Variants in NUP210L observed in about 807,000 individuals in gnomAD.
NUP210L encodes nucleoporin 210 like, also known as nuclear pore membrane glycoprotein 210-like.
Under a neutral mutation model 208.5 loss-of-function variants are expected in NUP210L, and 74 were observed. The observed-to-expected ratio is 0.35, with a 90% CI of 0.29 to 0.43. NUP210L has a LOEUF of 0.43. NUP210L is among the 20% of genes least tolerant of loss of function. NUP210L has a pLI of 1.00. For synonymous variants in NUP210L, 780 were observed against 816.9 expected, an observed-to-expected ratio of 0.95 and a Z score of 0.77; for missense variants, 1,843 against 2,289.4, an observed-to-expected ratio of 0.81 and a Z score of 3.98.
rs759712079 is a variant in NUP210L, at chr1:154,058,685, T to C, written c.2859A>G (p.Pro953=). The stretch of plus-strand genomic sequence containing the variant: ...CCAAGGTAAAAAATCCAGGATGTAA[T>C]GGAACTAACTGGAAGTAAGAAGATG... The change falls in exon 21 of 40, where the codon CCA becomes CCG. Residue 953 remains proline, a synonymous_variant. Coordinates refer to ENST00000368559, the Ensembl canonical transcript of NUP210L. The C allele has an allele frequency of 5.0e-6, 8 of 1,612,920 alleles. No individual in the cohort carries two copies. In the African/African-American group the frequency reaches 6.7e-5, roughly 13 times the overall value.
chr1:154,044,954 A>T (rs905559774), intron 27 of NUP210L, among the ~76,000 whole-genome samples: 1 of 152,010 alleles, frequency 6.6e-6, no homozygotes, highest in Admixed American at 6.6e-5. Flanking sequence ...GCTTTTTTTC[A>T]GAGAAATATA....
At chr1:154,094,998 C>T (rs1656112921) in exon 15 of NUP210L, 2 of 1,613,988 alleles carry the variant, frequency 1.2e-6, no homozygotes, top group Admixed American at 1.7e-5. Context: ...TCTTAGATGG[C>T]AGCCACACTT....
chr1:154,114,340 C>T (rs923865191), intron 12 of NUP210L, among the ~76,000 whole-genome samples: 7 of 151,798 alleles, frequency 4.6e-5, no homozygotes, highest in African/African-American at 7.3e-5. Flanking sequence ...TCATTTTTGC[C>T]ACTTTCTATG....
intron 35 of NUP210L, among the ~76,000 whole-genome samples, chr1:154,008,446 C>T (rs536658239): frequency 2.0e-5 from 3 of 152,204 alleles, no homozygotes; most frequent in South Asian, 2.1e-4. Flanking sequence ...CGGTGTCTAA[C>T]GCCTGTAATC....
intron 25 of NUP210L, among the ~76,000 whole-genome samples, chr1:154,048,152 C>T (rs929400061): frequency 6.6e-6 from 1 of 152,136 alleles, no homozygotes; most frequent in African/African-American, 2.4e-5. Context: ...GGAAGAGGTT[C>T]ATCCCTACCC....
intron 5 of NUP210L, among the ~76,000 whole-genome samples, chr1:154,139,437 G>T (rs1053786530): frequency 4.6e-5 from 7 of 152,134 alleles, no homozygotes; most frequent in African/African-American, 1.7e-4. Flanking sequence ...TCAATTAAAT[G>T]ACCAACTATT....
At chr1:154,038,188 AG>A in intron 27 of NUP210L, among the ~76,000 whole-genome samples, 1 of 152,178 alleles carries the variant, frequency 6.6e-6, no homozygotes, top group East Asian at 1.9e-4. Context: ...GTTGGATTAC[AG>A]TGGTGCAATC....
intron 2 of NUP210L, among the ~76,000 whole-genome samples, chr1:154,150,478 A>G (rs1215616791): frequency 6.6e-6 from 1 of 152,210 alleles, no homozygotes; most frequent in Non-Finnish European, 1.5e-5. Context: ...CTGTAATCCC[A>G]GCACTTTGGG....
At chr1:154,035,490 C>T (rs1485349141) in intron 27 of NUP210L, among the ~76,000 whole-genome samples, 19 of 151,378 alleles carry the variant, frequency 1.3e-4, no homozygotes, top group South Asian at 2.1e-4. Flanking sequence ...CTCCACCTCC[C>T]GGGTTCAAGC....
chr1:154,112,581 C>G (rs1338525432), intron 12 of NUP210L, among the ~76,000 whole-genome samples: 2 of 152,050 alleles, frequency 1.3e-5, no homozygotes, highest in African/African-American at 4.8e-5. Flanking sequence ...ACACCTACCA[C>G]GTACACCTGA....
chr1:154,015,957 A>AAATAAAT (rs1557915678), intron 33 of NUP210L, among the ~76,000 whole-genome samples: 1 of 146,674 alleles, frequency 6.8e-6, no homozygotes, highest in Non-Finnish European at 1.5e-5. Context: ...AATAAATAAA[A>AAATAAAT]ATAAAAAAAA....
At position 154,127,412 on chromosome 1, in the gene NUP210L, T is replaced by TGAAACCTATACACAAATCAA; in HGVS notation, c.1079-15_1083dup (p.Thr362LeufsTer5). The stretch of plus-strand genomic sequence containing the variant: ...CTCCATCGGTTTCCAGGTTGGACAG[T>TGAAACCTATACACAAATCAA]GAAACCTATACACAAATCAAGAAAC... On this transcript the variant is annotated stop_gained and frameshift_variant, in exon 9 of 40. Coordinates refer to ENST00000368559, the Ensembl canonical transcript of NUP210L. LOFTEE classifies it high-confidence loss of function. 6.6e-7 allele frequency: 1 copy of TGAAACCTATACACAAATCAA among 1,523,674 alleles called. No homozygotes were observed. Among genetic ancestry groups the TGAAACCTATACACAAATCAA allele is most frequent in the South Asian group, 1.1e-5 (1 of 87,200 alleles). The allele number at this position is 1,523,674 out of a possible 1,614,324, so 94.4% of individuals were successfully genotyped here. A position where few individuals can be genotyped will look rare whatever the true frequency, so the allele number is the denominator to read the frequency against.
At chr1:154,094,867 A>G (rs1474573667) in intron 15 of NUP210L, 68 bp downstream of exon 15, 1 of 1,140,556 alleles carries the variant, frequency 8.8e-7, no homozygotes, top group Non-Finnish European at 1.3e-6. Context: ...CTGAAAAGGA[A>G]TGGCTGGAAG....
At chr1:154,001,952 T>G in exon 36 of NUP210L, 1 of 1,613,984 alleles carries the variant, frequency 6.2e-7, no homozygotes. Flanking sequence ...CTCCTCTGAC[T>G]GCGGTCGAAC....
At chr1:154,058,182 C>G in exon 22 of NUP210L, 1 of 1,614,112 alleles carries the variant, frequency 6.2e-7, no homozygotes. Context: ...GCCAAGAACC[C>G]TCACAGTCAC....
chr1:154,046,947 A>G (rs1384343417), intron 25 of NUP210L, among the ~76,000 whole-genome samples: 1 of 152,162 alleles, frequency 6.6e-6, no homozygotes, highest in East Asian at 1.9e-4. Flanking sequence ...AGTCTTAGCT[A>G]CTTGGGAGGC....
intron 25 of NUP210L, among the ~76,000 whole-genome samples, chr1:154,050,084 C>T (rs535388683): frequency 5.3e-5 from 8 of 152,168 alleles, no homozygotes; most frequent in South Asian, 4.2e-4. Context: ...TTACAAAATT[C>T]GATTTCTTGC....
At chr1:154,150,299 G>A (rs370889491) in intron 2 of NUP210L, among the ~76,000 whole-genome samples, 2 of 151,270 alleles carry the variant, frequency 1.3e-5, no homozygotes, top group Admixed American at 6.6e-5. Flanking sequence ...GCTTGAACCC[G>A]GGAGGCAGAG....
chr1:154,009,792 C>CAAAAAAAAA (rs373230285), intron 35 of NUP210L, among the ~76,000 whole-genome samples, 180 bp downstream of exon 35: 5 of 64,566 alleles, frequency 7.7e-5, no homozygotes, highest in South Asian at 5.3e-4. Context: ...GACCCAGTCT[C>CAAAAAAAAA]AAAAAAAAAA....
Sources: allele counts gnomAD v4.1 joint callset (sites outside exome capture counted in the v4.1 genomes callset), GRCh38; gene constraint gnomAD v4.1.1; transcripts MANE v1.5; gene names NCBI Gene and HGNC (gene_info 2026-07-23, HGNC 2026-07-21).